GET1: variants seen among roughly 807,000 people sequenced by gnomAD.
The protein encoded by GET1 is guided entry of tail-anchored proteins factor 1.
A neutral mutation model predicts 22.6 loss-of-function variants in GET1; 20 were observed. The ratio of observed to expected loss-of-function variants is 0.89; its 90% CI spans 0.62 to 1.29. The LOEUF is 1.29. GET1 is among the 50% of genes most tolerant of loss of function. The probability of loss-of-function intolerance (pLI) is 0.00; values close to 1 mark genes in which losing one functional copy is unlikely to be tolerated. For missense variants in GET1, 209 were observed against 219.9 expected, an observed-to-expected ratio of 0.95 and a Z score of 0.31; for synonymous variants, 92 against 83.8, an observed-to-expected ratio of 1.10 and a Z score of -0.53.
chr21:39,395,368 A>T (rs893590478), intron 4 of GET1, among the ~76,000 whole-genome samples: 1 of 146,942 alleles, frequency 6.8e-6, no homozygotes. Flanking sequence ...AGGAATGACT[A>T]TTTTTTTTTT....
downstream of GET1, among the ~76,000 whole-genome samples, chr21:39,398,793 T>C (rs966229777): frequency 2.0e-5 from 3 of 151,762 alleles, no homozygotes; most frequent in Non-Finnish European, 4.4e-5. Context: ...TTTGTATTTT[T>C]AGTAGAGACA....
At chr21:39,383,550 G>A (rs1278978688) in intron 1 of GET1, among the ~76,000 whole-genome samples, 1 of 152,026 alleles carries the variant, frequency 6.6e-6, no homozygotes, top group African/African-American at 2.4e-5. Flanking sequence ...CCAAAGTGCT[G>A]GGATTACAGG....
At position 39,380,500 on chromosome 21, in the gene GET1, T is replaced by C; in HGVS notation, c.102+14T>C. 6.2e-7 allele frequency: 1 copy of C among 1,605,524 alleles called. No individual in the cohort carries two copies. The highest frequency in any genetic ancestry group is 8.5e-7 in the Non-Finnish European group (1 of 1,175,374). On this transcript the variant is annotated intron_variant, in intron 1 of 4. Coordinates refer to ENST00000649170, the MANE Select transcript of GET1 (RefSeq NM_004627.6). Reference sequence around the variant, plus strand: ...TTCTCATCCTTCGTAAGTGGCTGCCTGGCCTCCCAAGGGCCGGTGGGGATG... The same window carrying C: ...TTCTCATCCTTCGTAAGTGGCTGCCCGGCCTCCCAAGGGCCGGTGGGGATG...
intron 1 of GET1, among the ~76,000 whole-genome samples, chr21:39,387,454 TA>T (rs2037979727): frequency 6.6e-6 from 1 of 152,220 alleles, no homozygotes; most frequent in Non-Finnish European, 1.5e-5. Context: ...TTTTGAAAGA[TA>T]ATTTTGTGAT....
At chr21:39,392,867 T>C in intron 3 of GET1, 3 of 273,408 alleles carry the variant, frequency 1.1e-5, no homozygotes, top group Admixed American at 5.1e-5. Context: ...ATGTGTAGAT[T>C]GTGTTCATCC....
chr21:39,422,665 G>A (rs1601832079), intron 1 of GET1: 1 of 437,176 alleles, frequency 2.3e-6, no homozygotes, highest in East Asian at 3.5e-5. Flanking sequence ...TTTCAGCACA[G>A]GGAAAAAGTC....
Position 39,381,286 on chromosome 21 carries a change from G to T in GET1, c.102+800G>T, listed in dbSNP as rs1193244367. ...CTGTCCCCGAGAATGAGCGCCCTCC[G>T]TATGCCCACAGCAGAAATGAGGAGC... On this transcript the variant is annotated intron_variant, in intron 1 of 4. Transcript: ENST00000649170. Among the ~76,000 whole-genome samples the T allele has an allele frequency of 3.9e-5, 6 of 152,238 alleles. No individual in the cohort carries two copies. The East Asian group carries it at 1.2e-3, about 29-fold the overall frequency.
At chr21:39,395,258 G>A (rs1309461686) in intron 4 of GET1, among the ~76,000 whole-genome samples, 4 of 152,154 alleles carry the variant, frequency 2.6e-5, no homozygotes, top group African/African-American at 4.8e-5. Context: ...TATTTATTCC[G>A]GTCCTGATTT....
rs1187614316 is a variant in GET1, at chr21:39,412,459, TTACATG to T, written c.*23+1527_*23+1532del. Among the ~76,000 whole-genome samples the T allele has an allele frequency of 3.9e-5, 6 of 152,234 alleles. No individual in the cohort carries two copies. The East Asian group carries it at 9.6e-4, about 24-fold the overall frequency. On this transcript the variant is annotated intron_variant, in intron 1 of 1. Coordinates refer to the GET1 transcript ENST00000478273. ...TTTATTAAATATCAAATGCTCCTTC[TTACATG>T]TACACCAGGAGGCAAGAAAGGCTTT...
intron 2 of GET1, 144 bp downstream of exon 2, chr21:39,391,007 A>G: frequency 1.2e-6 from 1 of 859,326 alleles, no homozygotes. Flanking sequence ...GAAACTCAGT[A>G]ATAAGTATTA....
At chr21:39,428,017 A>G in intron 1 of GET1, 3 of 573,582 alleles carry the variant, frequency 5.2e-6, no homozygotes, top group Non-Finnish European at 9.4e-6. Flanking sequence ...TAATTTCTCT[A>G]TTTCCTAATT....
chr21:39,410,397 A>G, downstream of GET1: 1 of 1,128,054 alleles, frequency 8.9e-7, no homozygotes, highest in Non-Finnish European at 1.3e-6. Context: ...TATGTAAGAA[A>G]CATATTTTAC....
At chr21:39,414,742 C>CTCTCTGTG (rs1341489035) in intron 1 of GET1, among the ~76,000 whole-genome samples, 16 of 99,232 alleles carry the variant, frequency 1.6e-4, no homozygotes, top group Admixed American at 4.6e-4. Flanking sequence ...CTCTCTCTCT[C>CTCTCTGTG]TGTGTGTGTG....
intron 2 of GET1, 122 bp from the exon 3 acceptor site, chr21:39,391,647 G>T: frequency 3.4e-6 from 3 of 895,086 alleles, no homozygotes; most frequent in East Asian, 2.9e-5. Flanking sequence ...TAAATATGTT[G>T]AGCGATTGTT....
intron 1 of GET1, among the ~76,000 whole-genome samples, chr21:39,412,422 A>G (rs1319567914): frequency 6.6e-6 from 1 of 152,246 alleles, no homozygotes; most frequent in Non-Finnish European, 1.5e-5. Flanking sequence ...GTTGAGGAAC[A>G]AAGAAAGGGT....
downstream of GET1, chr21:39,410,798 T>C: frequency 2.1e-6 from 1 of 469,720 alleles, no homozygotes; most frequent in Non-Finnish European, 4.4e-6. Flanking sequence ...GGAAATTATA[T>C]CATTTAAACA....
chr21:39,409,941 G>GA (rs779480022), downstream of GET1: 1 of 1,188,320 alleles, frequency 8.4e-7, no homozygotes. This position sits in a 1 kb window ranked among gnomAD's most constrained non-coding sequence, Gnocchi z 4.2. Flanking sequence ...CAATTTTAAA[G>GA]AAATCAGATA....
At position 39,393,163 on chromosome 21, in the gene GET1, C is replaced by T. The variant is rs777025213; in HGVS notation, c.337-3C>T. 8.1e-6 allele frequency: 13 copies of T among 1,613,634 alleles called. No individual in the cohort carries two copies. The highest frequency in any genetic ancestry group is 2.2e-5 in the East Asian group (1 of 44,882). ...GCTTTGCTCACCAGAGGTGTCTTTA[C>T]AGGCTGCCCTGATGATCTCACTCAT... On this transcript the variant is annotated splice_region_variant and splice_polypyrimidine_tract_variant and intron_variant, in intron 3 of 4. Transcript: ENST00000649170.
chr21:39,398,289 C>T (rs1378982890), downstream of GET1, among the ~76,000 whole-genome samples: 2 of 152,134 alleles, frequency 1.3e-5, no homozygotes, highest in Non-Finnish European at 2.9e-5. Flanking sequence ...CAAGGGGGCA[C>T]GTGCCTAACT....
Sources: allele counts gnomAD v4.1 joint callset (sites outside exome capture counted in the v4.1 genomes callset), GRCh38; gene constraint gnomAD v4.1.1; non-coding constraint Gnocchi (gnomAD v3.1); transcripts MANE v1.5; gene names NCBI Gene and HGNC (gene_info 2026-07-23, HGNC 2026-07-21).